The following ZNF226 variants were observed in gnomAD, a reference collection of about 807,000 sequenced individuals.
ZNF226 encodes zinc finger protein 226.
A neutral mutation model predicts 11.4 loss-of-function variants in ZNF226; 6 were observed. That is an observed-to-expected ratio of 0.53 (90% CI 0.29 to 1.04). The LOEUF (loss-of-function observed/expected upper bound fraction) is 1.04. Ranked by LOEUF, ZNF226 falls within the 50% of genes least tolerant of loss-of-function variation. ZNF226 has a pLI of 0.08. For synonymous variants in ZNF226, 350 were observed against 322.8 expected (o/e 1.08, Z -0.90); for missense variants, 1,058 against 956.5 (o/e 1.11, Z -1.40).
the ZNF226 span, among the ~76,000 whole-genome samples, chr19:44,193,707 G>GA: frequency 1.3e-5 from 2 of 151,916 alleles, no homozygotes; most frequent in Non-Finnish European, 2.9e-5. Context: ...AGCGAGCAGA[G>GA]AAAAAAAGAG....
rs775299983 is a variant in ZNF226, at chr19:44,177,114, G to A, written c.1852G>A (p.Glu618Lys). Residue 618 changes from glutamate to lysine, a missense_variant, in exon 6 of 6, where the codon GAG becomes AAG. Coordinates refer to ENST00000337433, the MANE Select transcript of ZNF226 (RefSeq NM_001032373.2). ...CACAGGAGAGAAACCATATAATTGT[G>A]AGGAGTGTGGGAAGGTCTTCAGGCA... ...IHTGEKPYNC[E>K]ECGKVFRQAS... The A allele has an allele frequency of 8.1e-6, 13 of 1,613,830 alleles. 1 individual carries two copies. The highest frequency in any genetic ancestry group is 3.3e-5 in the South Asian group (3 of 91,062).
chr19:44,194,781 T>G, the ZNF226 span, among the ~76,000 whole-genome samples: 1 of 152,206 alleles, frequency 6.6e-6, no homozygotes, highest in Non-Finnish European at 1.5e-5. Context: ...CACAAGAACA[T>G]ACAGACAACA....
rs200154623 is a variant in ZNF226 at position 44,175,857 on chromosome 19, T to C, written c.595T>C (p.Cys199Arg). ...TTCCATAAAAAATAAATTATGTCAA[T>C]GTAAGAAGGGTGTTGATCCCATCGG... ...QISIKNKLCQCKKGVDPIGWI... is the reference protein window; with the variant it reads ...QISIKNKLCQRKKGVDPIGWI... The change falls in exon 6 of 6, where the codon TGT becomes CGT. Residue 199 changes from cysteine (C) to arginine (R), a missense_variant. Transcript: ENST00000337433. The C allele has an allele frequency of 7.7e-5, 125 of 1,613,550 alleles. No individual in the cohort carries two copies. Among genetic ancestry groups the C allele is most frequent in the Non-Finnish European group, 9.6e-5 (113 of 1,179,790 alleles).
chr19:44,186,167 T>C, the ZNF226 span, among the ~76,000 whole-genome samples: 1 of 152,060 alleles, frequency 6.6e-6, no homozygotes, highest in Non-Finnish European at 1.5e-5. Flanking sequence ...AAGTATGTTT[T>C]GAAATTAGGG....
At chr19:44,172,784 C>A in intron 4 of ZNF226, 76 bp from the exon 5 acceptor site, 1 of 1,176,852 alleles carries the variant, frequency 8.5e-7, no homozygotes, top group Non-Finnish European at 1.2e-6. Flanking sequence ...CTTGAATGTG[C>A]AGTTGCAACT....
At position 44,176,609 on chromosome 19, in the gene ZNF226, T is replaced by C. The variant is rs201842271; in HGVS notation, c.1347T>C (p.Cys449=). ...ACACAGGAGAAAAACCCTATAAATG[T>C]GAGGAATGTGGTAAAGGCTTTAGTC... ...RVHTGEKPYK[C]EECGKGFSRP... is the part of the protein sequence containing the mutation. Residue 449 remains cysteine, a synonymous_variant, in exon 6 of 6, where the codon TGT becomes TGC. Coordinates refer to ENST00000337433, the MANE Select transcript of ZNF226 (RefSeq NM_001032373.2). The C allele has an allele frequency of 6.2e-7, 1 of 1,613,908 alleles. No individual in the cohort carries two copies. Among genetic ancestry groups the C allele is most frequent in the South Asian group, 1.1e-5 (1 of 91,072 alleles).
At chr19:44,191,655 G>A in the ZNF226 span, among the ~76,000 whole-genome samples, 3 of 151,824 alleles carry the variant, frequency 2.0e-5, no homozygotes, top group South Asian at 6.2e-4. Context: ...ATGTCAAAAT[G>A]GTTAAAACAT....
rs1480296688 is a variant in ZNF226 at position 44,170,065 on chromosome 19, G to C, written c.-16G>C. 8 of 1,609,938 alleles carry C rather than the reference G, an allele frequency of 5.0e-6. No individual in the cohort carries two copies. The highest frequency in any genetic ancestry group is 6.8e-6 in the Non-Finnish European group (8 of 1,177,908). Reference sequence around the variant, plus strand: ...CTTCTTAGGACTCTGCACTTCCCCAGAAGGAAGAATTAAAAATGAATATGT... The same window carrying C: ...CTTCTTAGGACTCTGCACTTCCCCACAAGGAAGAATTAAAAATGAATATGT... On this transcript the variant is annotated 5_prime_UTR_variant, in exon 3 of 6. Transcript: ENST00000337433.
At chr19:44,173,044 C>A in intron 5 of ZNF226, 92 bp downstream of exon 5, 2 of 1,204,468 alleles carry the variant, frequency 1.7e-6, no homozygotes, top group Middle Eastern at 1.9e-4. Context: ...TCCAAATTGC[C>A]AACTGTCTTT....
At position 44,176,888 on chromosome 19, in the gene ZNF226, A is replaced by G. The variant is rs1970734952; in HGVS notation, c.1626A>G (p.Gln542=). The change falls in exon 6 of 6, where the codon CAA becomes CAG. Residue 542 remains glutamine (Q), a synonymous_variant. Coordinates refer to ENST00000337433, the MANE Select transcript of ZNF226 (RefSeq NM_001032373.2). ...KCEICGKGFS[Q]SSYLQIHQKA... ...AGATATGTGGGAAGGGCTTCAGTCA[A>G]AGTTCGTATCTTCAAATCCATCAGA... is the stretch of plus-strand genomic sequence containing the variant. 5 of 1,609,756 alleles carry G rather than the reference A, an allele frequency of 3.1e-6. No individual in the cohort carries two copies. In the South Asian group the frequency reaches 3.3e-5, roughly 11 times the overall value.
intron 3 of ZNF226, 92 bp from the exon 4 acceptor site, chr19:44,171,996 G>A: frequency 6.5e-7 from 1 of 1,529,958 alleles, no homozygotes; most frequent in Non-Finnish European, 8.9e-7. Context: ...CAAACGGCTG[G>A]GCATCCAGAA....
the ZNF226 span, among the ~76,000 whole-genome samples, chr19:44,185,337 A>G: frequency 1.3e-5 from 2 of 152,220 alleles, no homozygotes; most frequent in South Asian, 2.1e-4. Flanking sequence ...ATTATTTTCC[A>G]TAATGGCTAT....
the ZNF226 span, among the ~76,000 whole-genome samples, chr19:44,188,993 G>T: frequency 1.3e-5 from 2 of 152,340 alleles, no homozygotes; most frequent in African/African-American, 4.8e-5. Context: ...ACAGCCAGTT[G>T]CTGGGTAGAT....
At chr19:44,169,959 C>T (rs1969891844) in intron 2 of ZNF226, 76 bp from the exon 3 acceptor site, 1 of 970,120 alleles carries the variant, frequency 1.0e-6, no homozygotes, top group Non-Finnish European at 1.5e-6. Context: ...CACACCTTTG[C>T]TAATTCCTAA....
chr19:44,165,228 G>A (rs996426706), intron 1 of ZNF226, 86 bp downstream of exon 1: 17 of 152,214 alleles, frequency 1.1e-4, no homozygotes, highest in African/African-American at 3.9e-4. Flanking sequence ...AAAAAAAGGA[G>A]TAGCGGCTAA....
rs1055399709 is a variant in ZNF226 at position 44,175,587 on chromosome 19, A to G, written c.325A>G (p.Asn109Asp). ...TTGGCAAATCTGGCAACAAATTGCA[A>G]ATGACTTAACCAGGTGTCAAGACTC... is the stretch of plus-strand genomic sequence containing the variant. ...SCWQIWQQIA[N>D]DLTRCQDSMI... The change falls in exon 6 of 6, where the codon AAT becomes GAT. Residue 109 changes from asparagine (N) to aspartate (D), a missense_variant. Coordinates refer to ENST00000337433, the MANE Select transcript of ZNF226 (RefSeq NM_001032373.2). 20 of 1,613,260 alleles carry G rather than the reference A, an allele frequency of 1.2e-5. No individual in the cohort carries two copies. Among genetic ancestry groups the G allele is most frequent in the Admixed American group, 1.7e-5 (1 of 59,856 alleles).
downstream of ZNF226, chr19:44,178,455 CATG>C (rs1250429625): frequency 6.6e-6 from 1 of 152,164 alleles, no homozygotes; most frequent in Non-Finnish European, 1.5e-5. Context: ...CAGGCTTTGA[CATG>C]ATTGCCTTCT....
chr19:44,198,044 A>G, the ZNF226 span, among the ~76,000 whole-genome samples: 1 of 152,192 alleles, frequency 6.6e-6, no homozygotes, highest in Non-Finnish European at 1.5e-5. Flanking sequence ...TTATTTTTCT[A>G]TGTGAAGAAT....
chr19:44,172,294 T>C, intron 4 of ZNF226, 80 bp downstream of exon 4: 1 of 1,515,402 alleles, frequency 6.6e-7, no homozygotes, highest in Non-Finnish European at 8.9e-7. Flanking sequence ...GTTCCCTGAG[T>C]GTGGGAATCT....
Sources: gnomAD v4.1 joint callset for allele counts (sites outside exome capture counted in the v4.1 genomes callset) on GRCh38, gnomAD v4.1.1 for gene constraint, MANE v1.5 for transcripts, NCBI Gene and HGNC (gene_info 2026-07-23, HGNC 2026-07-21) for gene names.